LRRC40: variants seen among roughly 807,000 people sequenced by gnomAD.
LRRC40 encodes leucine rich repeat containing 40, also known as leucine-rich repeat-containing protein 40.
A neutral mutation model predicts 72.8 loss-of-function variants in LRRC40; 76 were observed. The observed-to-expected ratio is 1.04, with a 90% confidence interval of 0.87 to 1.26. LRRC40 has a LOEUF of 1.26. Among genes scored for constraint, LRRC40 ranks in the 50% most tolerant of loss-of-function variants. The pLI is 0.00. For synonymous variants in LRRC40, 243 were observed against 254.2 expected, an observed-to-expected ratio of 0.96 and a Z score of 0.42; for missense variants, 684 against 698.9, an observed-to-expected ratio of 0.98 and a Z score of 0.24.
chr1:70,180,748 A>C (rs6664480), intron 5 of LRRC40, among the ~76,000 whole-genome samples: 31,229 of 152,042 alleles, frequency 0.21, 3,618 homozygotes, highest in East Asian at 0.41. Flanking sequence ...AATACAACTA[A>C]ATATCATAGG....
chr1:70,178,895 T>C lies in LRRC40; in HGVS notation c.760A>G (p.Lys254Glu). The change falls in exon 6 of 15, where the codon AAA becomes GAA. Residue 254 changes from lysine (K) to glutamate (E), a missense_variant. Transcript: ENST00000370952. ...SLELLYLRRNKLRFLPEFPSC... is the reference protein window; with the variant it reads ...SLELLYLRRNELRFLPEFPSC... ...GGAAATTCTGGTAGAAAACGTAATT[T>C]ATTCCTCCGCAAATAAAGCAATTCT... 1 of 1,598,598 alleles carries C rather than the reference T, an allele frequency of 6.3e-7. No homozygotes were observed. Among genetic ancestry groups the C allele is most frequent in the Non-Finnish European group, 8.6e-7 (1 of 1,169,218 alleles).
At chr1:70,188,594 G>A (rs1322847271) in intron 2 of LRRC40, among the ~76,000 whole-genome samples, 1 of 151,870 alleles carries the variant, frequency 6.6e-6, no homozygotes, top group Admixed American at 6.6e-5. Flanking sequence ...AAAATAGCCG[G>A]GTGTGGTGGC....
chr1:70,188,884 G>A (rs1668427337), intron 2 of LRRC40, among the ~76,000 whole-genome samples: 1 of 152,056 alleles, frequency 6.6e-6, no homozygotes, highest in Non-Finnish European at 1.5e-5. Context: ...CTCTCCCCAG[G>A]TCACACAGCC....
At chr1:70,179,424 C>G (rs550541469) in intron 5 of LRRC40, among the ~76,000 whole-genome samples, 1 of 152,000 alleles carries the variant, frequency 6.6e-6, no homozygotes, top group Non-Finnish European at 1.5e-5. Context: ...GAGATCGAGG[C>G]TGCACTGAGC....
At chr1:70,201,973 G>A (rs916285286) in intron 1 of LRRC40, among the ~76,000 whole-genome samples, 7 of 151,862 alleles carry the variant, frequency 4.6e-5, no homozygotes, top group Non-Finnish European at 7.4e-5. Flanking sequence ...GCAAAACTCC[G>A]TCTCAAAAAT....
Position 70,187,245 on chromosome 1 carries a change from TA to T in LRRC40, c.407+19del. 1.6e-6 allele frequency: 2 copies of T among 1,265,656 alleles called. No homozygotes were observed. Among genetic ancestry groups the T allele is most frequent in the Non-Finnish European group, 2.3e-6 (2 of 869,890 alleles). 78.4% of individuals were successfully genotyped at this position (1,265,656 alleles called of 1,614,324 possible). A position where few individuals can be genotyped will look rare whatever the true frequency, so the allele number is the denominator to read the frequency against. On this transcript the variant is annotated intron_variant, in intron 3 of 14. Coordinates refer to ENST00000370952, the MANE Select transcript of LRRC40 (RefSeq NM_017768.5). ...ACCATTATAAGGGCAATAATATAAG[TA>T]AATAAGCTTAATTTTTACCTGACAT...
At chr1:70,152,310 TAATA>T in intron 12 of LRRC40, 119 bp downstream of exon 12, 2 of 583,762 alleles carry the variant, frequency 3.4e-6, no homozygotes, top group Non-Finnish European at 6.1e-6. Flanking sequence ...AAACTATTGT[TAATA>T]AATAAAGGCC....
At chr1:70,199,501 A>G (rs1001496009) in intron 1 of LRRC40, among the ~76,000 whole-genome samples, 3 of 152,134 alleles carry the variant, frequency 2.0e-5, no homozygotes, top group African/African-American at 7.2e-5. Flanking sequence ...TGCCTCTGCC[A>G]CCCGTGAGAA....
intron 9 of LRRC40, among the ~76,000 whole-genome samples, chr1:70,161,783 G>A (rs1468755206): frequency 6.6e-6 from 1 of 152,144 alleles, no homozygotes; most frequent in South Asian, 2.1e-4. Flanking sequence ...AAAAACTAGA[G>A]TCCATTTGGT....
intron 10 of LRRC40, among the ~76,000 whole-genome samples, chr1:70,157,956 T>C (rs920111861): frequency 1.3e-5 from 2 of 151,348 alleles, no homozygotes; most frequent in Non-Finnish European, 2.9e-5. Context: ...ATAAAAAAAT[T>C]AGCTGGGCAG....
At position 70,173,638 on chromosome 1, in the gene LRRC40, C is replaced by T. The variant is rs1479572346; in HGVS notation, c.1049G>A (p.Arg350Gln). Reference sequence around the variant, plus strand: ...TATACTTACACTTATAATTTCTCTTCGAATTGTTCTCAAAGGATTTCCTTC... The same window carrying T: ...TATACTTACACTTATAATTTCTCTTTGAATTGTTCTCAAAGGATTTCCTTC... Reference protein sequence around the residue: ...ALEGNPLRTIRREIISKGTQE... With the variant: ...ALEGNPLRTIQREIISKGTQE... Residue 350 changes from arginine (R) to glutamine (Q), a missense_variant, in exon 8 of 15, where the codon CGA becomes CAA. Arg to Gln is a conservative substitution (Grantham distance 43, BLOSUM62 1). Transcript: ENST00000370952. 16 of 1,569,072 alleles carry T rather than the reference C, an allele frequency of 1.0e-5. No homozygotes were observed. The highest frequency in any genetic ancestry group is 1.2e-5 in the South Asian group (1 of 86,488).
intron 1 of LRRC40, among the ~76,000 whole-genome samples, chr1:70,204,721 CCT>C (rs1014960774): frequency 4.2e-5 from 6 of 144,126 alleles, no homozygotes; most frequent in Non-Finnish European, 9.0e-5. Context: ...CATTCCCCTC[CCT>C]CTCTCTCTTA....
intron 13 of LRRC40, among the ~76,000 whole-genome samples, chr1:70,149,007 C>A (rs1667393601): frequency 6.6e-6 from 1 of 152,116 alleles, no homozygotes; most frequent in South Asian, 2.1e-4. Flanking sequence ...TTCTTCCTTT[C>A]ACTTTTACTT....
chr1:70,199,519 C>T (rs756296855), intron 1 of LRRC40, among the ~76,000 whole-genome samples: 1 of 152,140 alleles, frequency 6.6e-6, no homozygotes, highest in South Asian at 2.1e-4. Context: ...GAAAGCAAGA[C>T]CATCCCCTCC....
intron 4 of LRRC40, among the ~76,000 whole-genome samples, chr1:70,182,259 C>T (rs1327319946): frequency 1.3e-5 from 2 of 151,842 alleles, no homozygotes; most frequent in East Asian, 3.9e-4. Flanking sequence ...TTTGTAGTAT[C>T]AAAAGTTACT....
intron 9 of LRRC40, among the ~76,000 whole-genome samples, chr1:70,172,212 A>G (rs1338149864): frequency 6.6e-6 from 1 of 152,192 alleles, no homozygotes; most frequent in Non-Finnish European, 1.5e-5. Context: ...CCAGACACCA[A>G]ATCTGCTGGT....
At chr1:70,197,491 T>C (rs772051544) in intron 1 of LRRC40, among the ~76,000 whole-genome samples, 22 of 151,918 alleles carry the variant, frequency 1.4e-4, no homozygotes, top group Middle Eastern at 3.4e-3. Flanking sequence ...GTTGCCCAGA[T>C]TGGTCTCAAA....
chr1:70,164,024 G>A (rs79844175), intron 9 of LRRC40, among the ~76,000 whole-genome samples: 5,780 of 152,210 alleles, frequency 0.038, 211 homozygotes, highest in East Asian at 0.17. Flanking sequence ...CTCTTGCTGT[G>A]TCCTCATATG....
At chr1:70,153,566 T>C (rs1667561514) in intron 11 of LRRC40, among the ~76,000 whole-genome samples, 1 of 152,238 alleles carries the variant, frequency 6.6e-6, no homozygotes, top group Non-Finnish European at 1.5e-5. Context: ...TCTAGAAATC[T>C]GGCCTAGAGA....
Sources: allele counts gnomAD v4.1 joint callset (sites outside exome capture counted in the v4.1 genomes callset), GRCh38; gene constraint gnomAD v4.1.1; transcripts MANE v1.5; gene names NCBI Gene and HGNC (gene_info 2026-07-23, HGNC 2026-07-21).